The following LINGO2 variants were observed in gnomAD, a reference collection of about 807,000 sequenced individuals.
The protein encoded by LINGO2 is leucine rich repeat and Ig domain containing 2.
LINGO2 carries 14 observed loss-of-function variants against 30.6 expected under a neutral mutation model. That is an observed-to-expected ratio of 0.46 (90% CI 0.30 to 0.72). The LOEUF is 0.72. LINGO2 is among the 30% of genes least tolerant of loss of function. The pLI, the probability that LINGO2 is intolerant of heterozygous loss-of-function variation, is 0.07. For synonymous variants in LINGO2, 317 were observed against 288.5 expected (o/e 1.10, Z -1.00); for missense variants, 729 against 751.7 (o/e 0.97, Z 0.35).
At chr9:28,758,640 C>T in the LINGO2 span, among the ~76,000 whole-genome samples, 5 of 152,070 alleles carry the variant, frequency 3.3e-5, no homozygotes, top group Admixed American at 3.3e-4. Flanking sequence ...TGCAATTCTT[C>T]TCTGCTGTTC....
chr9:28,902,285 T>C, the LINGO2 span, among the ~76,000 whole-genome samples: 2 of 152,096 alleles, frequency 1.3e-5, no homozygotes, highest in Non-Finnish European at 2.9e-5. Context: ...AGTCAAAAAC[T>C]GTAACATGAA....
intron 1 of LINGO2, among the ~76,000 whole-genome samples, chr9:28,591,393 A>C (rs1255360850): frequency 6.6e-6 from 1 of 152,026 alleles, no homozygotes; most frequent in African/African-American, 2.4e-5. Context: ...CATTTGTAGC[A>C]GAAAAAAATA....
chr9:28,940,312 T>A, the LINGO2 span, among the ~76,000 whole-genome samples: 1 of 152,172 alleles, frequency 6.6e-6, no homozygotes, highest in Admixed American at 6.5e-5. Flanking sequence ...CAAAAATGCC[T>A]ACTTGTGCTC....
At chr9:28,054,064 C>CAAAAAAAAAAAAAA (rs11461978) in intron 4 of LINGO2, among the ~76,000 whole-genome samples, 1 of 149,082 alleles carries the variant, frequency 6.7e-6, no homozygotes, top group African/African-American at 2.5e-5. Flanking sequence ...AGCTAGCAGA[C>CAAAAAAAAAAAAAA]AAAAAAAAAG....
chr9:28,353,919 T>C (rs1288552510), intron 3 of LINGO2, among the ~76,000 whole-genome samples: 4 of 151,956 alleles, frequency 2.6e-5, no homozygotes, highest in Admixed American at 2.0e-4. Flanking sequence ...ATCCAAACAC[T>C]GCATATTCTC....
At chr9:28,778,014 A>G in the LINGO2 span, among the ~76,000 whole-genome samples, 7 of 152,152 alleles carry the variant, frequency 4.6e-5, no homozygotes, top group East Asian at 1.3e-3. Flanking sequence ...TATAGTGCAT[A>G]GTCCATGTGG....
intron 1 of LINGO2, among the ~76,000 whole-genome samples, chr9:28,572,657 G>T (rs940019998): frequency 6.6e-6 from 1 of 151,668 alleles, no homozygotes; most frequent in East Asian, 1.9e-4. Flanking sequence ...TCCTTTCAGC[G>T]CTCTTGAATA....
chr9:28,437,402 C>G (rs1282551885), intron 2 of LINGO2, among the ~76,000 whole-genome samples: 1 of 152,106 alleles, frequency 6.6e-6, no homozygotes, highest in Non-Finnish European at 1.5e-5. Context: ...CTGAGGCTGT[C>G]ACAATTGGCC....
At chr9:28,791,116 T>G in the LINGO2 span, among the ~76,000 whole-genome samples, 3,178 of 152,226 alleles carry the variant, frequency 0.021, 97 homozygotes, top group African/African-American at 0.071. Context: ...TTATATCCCC[T>G]TCCTTTCTCA....
At chr9:28,998,580 A>T in the LINGO2 span, among the ~76,000 whole-genome samples, 16 of 152,232 alleles carry the variant, frequency 1.1e-4, no homozygotes, top group South Asian at 3.3e-3. Context: ...GTACAATTTA[A>T]TTTGAATTAA....
chr9:28,683,206 T>C, the LINGO2 span, among the ~76,000 whole-genome samples: 1 of 152,186 alleles, frequency 6.6e-6, no homozygotes, highest in South Asian at 2.1e-4. Context: ...ATTGCTATTA[T>C]TGATTCTAAA....
At chr9:28,816,397 A>C in the LINGO2 span, among the ~76,000 whole-genome samples, 11 of 152,190 alleles carry the variant, frequency 7.2e-5, no homozygotes, top group African/African-American at 2.7e-4. Context: ...AACTCAATAA[A>C]AGAGTAATTG....
the LINGO2 span, among the ~76,000 whole-genome samples, chr9:28,834,216 T>G: frequency 6.6e-6 from 1 of 152,150 alleles, no homozygotes; most frequent in African/African-American, 2.4e-5. Flanking sequence ...CTACACTATG[T>G]AGCTGTTTTG....
intron 5 of LINGO2, among the ~76,000 whole-genome samples, chr9:27,970,000 T>G (rs1226355260): frequency 6.6e-6 from 1 of 152,200 alleles, no homozygotes; most frequent in Non-Finnish European, 1.5e-5. Flanking sequence ...TTTACTAGTT[T>G]CAGCTTTATC....
chr9:28,755,179 A>T, the LINGO2 span, among the ~76,000 whole-genome samples: 1 of 152,062 alleles, frequency 6.6e-6, no homozygotes. Flanking sequence ...TATTAGAATA[A>T]ATTACAAAAT....
At chr9:28,856,215 G>C in the LINGO2 span, among the ~76,000 whole-genome samples, 1 of 151,980 alleles carries the variant, frequency 6.6e-6, no homozygotes, top group African/African-American at 2.4e-5. Flanking sequence ...TTTCCACAGA[G>C]ATTTTGTGCT....
At chr9:28,923,758 G>C in the LINGO2 span, among the ~76,000 whole-genome samples, 1 of 152,196 alleles carries the variant, frequency 6.6e-6, no homozygotes, top group Admixed American at 6.5e-5. Context: ...AAAGCAACCA[G>C]AGAACTTCTG....
At chr9:29,213,037 C>T in the LINGO2 span, among the ~76,000 whole-genome samples, 1 of 152,160 alleles carries the variant, frequency 6.6e-6, no homozygotes, top group Admixed American at 6.5e-5. Context: ...AAGGCTCCTC[C>T]TTTCCAAGGG....
chr9:28,164,906 T>C (rs1012553127), intron 4 of LINGO2, among the ~76,000 whole-genome samples: 3 of 152,182 alleles, frequency 2.0e-5, no homozygotes, highest in Admixed American at 6.5e-5. Flanking sequence ...ACTCATCATA[T>C]CGAATTATTA....
Sources: gnomAD v4.1 joint callset for allele counts (sites outside exome capture counted in the v4.1 genomes callset) on GRCh38, gnomAD v4.1.1 for gene constraint, MANE v1.5 for transcripts, NCBI Gene and HGNC (gene_info 2026-07-23, HGNC 2026-07-21) for gene names.